MICAL2: variants seen among roughly 807,000 people sequenced by gnomAD.
MICAL2 encodes [F-actin]-monooxygenase MICAL2.
Under a neutral mutation model 127.3 loss-of-function variants are expected in MICAL2, and 77 were observed. That is an observed-to-expected ratio of 0.60 (90% CI 0.50 to 0.73). The LOEUF (loss-of-function observed/expected upper bound fraction) is 0.73. MICAL2 is among the 30% of genes least tolerant of loss of function. The pLI is 0.00. For synonymous variants in MICAL2, 570 were observed against 551.1 expected (o/e 1.03, Z -0.48); for missense variants, 1,351 against 1,434.4 (o/e 0.94, Z 0.94).
intron 29 of MICAL2, among the ~76,000 whole-genome samples, chr11:12,300,931 A>G (rs1864039308): frequency 6.6e-6 from 1 of 152,170 alleles, no homozygotes. Context: ...TTCATTAAAC[A>G]TTCTGTATTA....
intron 2 of MICAL2, among the ~76,000 whole-genome samples, chr11:12,158,474 C>T (rs545802084): frequency 6.7e-6 from 1 of 150,204 alleles, no homozygotes; most frequent in Admixed American, 6.7e-5. Context: ...ATCACAGATA[C>T]AACCAACTGT....
downstream of MICAL2, among the ~76,000 whole-genome samples, chr11:12,288,702 A>C (rs879861111): frequency 6.6e-6 from 1 of 152,200 alleles, no homozygotes; most frequent in Non-Finnish European, 1.5e-5. Flanking sequence ...TGAAGTAAGG[A>C]ACCAAGGAGC....
chr11:12,168,415 A>G (rs937653151), intron 3 of MICAL2, among the ~76,000 whole-genome samples: 1 of 150,738 alleles, frequency 6.6e-6, no homozygotes, highest in Non-Finnish European at 1.5e-5. Flanking sequence ...ATTCATACAT[A>G]CCCCCCACAC....
At chr11:12,349,799 A>AT in intron 32 of MICAL2, 1 of 1,595,106 alleles carries the variant, frequency 6.3e-7, no homozygotes, top group Admixed American at 1.7e-5. Flanking sequence ...GGGGAGAGAA[A>AT]TGCCAATCTA....
At chr11:12,246,412 G>A (rs538312703) in intron 21 of MICAL2, among the ~76,000 whole-genome samples, 9 of 152,298 alleles carry the variant, frequency 5.9e-5, no homozygotes, top group East Asian at 5.8e-4. Context: ...CATTTGCCAC[G>A]CTGGTGAGCT....
intron 29 of MICAL2, among the ~76,000 whole-genome samples, chr11:12,314,965 A>G (rs6485651): frequency 0.93 from 141,384 of 152,196 alleles, 65,710 homozygotes; most frequent in East Asian, 0.95. Context: ...TCTGCATCAC[A>G]ATACTTTCAT....
intron 1 of MICAL2, among the ~76,000 whole-genome samples, chr11:12,113,537 C>T (rs146584886): frequency 8.3e-4 from 126 of 152,374 alleles, no homozygotes; most frequent in African/African-American, 2.9e-3. Context: ...TCCTCTGCTG[C>T]GCAGTCATCT....
At chr11:12,255,814 A>G in intron 23 of MICAL2, 64 bp downstream of exon 23, 3 of 1,359,072 alleles carry the variant, frequency 2.2e-6, no homozygotes, top group Admixed American at 1.9e-5. Flanking sequence ...GGGCGGGCAC[A>G]TGGGATGTCG....
At chr11:12,309,388 C>T (rs185121667) in intron 29 of MICAL2, among the ~76,000 whole-genome samples, 1 of 152,162 alleles carries the variant, frequency 6.6e-6, no homozygotes, top group East Asian at 1.9e-4. Flanking sequence ...CCATGAGATC[C>T]ACTTTTTCAT....
chr11:12,358,289 C>T (rs774323878), intron 34 of MICAL2: 8 of 1,593,430 alleles, frequency 5.0e-6, no homozygotes, highest in Admixed American at 1.7e-5. Flanking sequence ...TCTTTTTTTT[C>T]TTTAGAGAGC....
chr11:12,313,050 C>T (rs888884414), intron 29 of MICAL2, among the ~76,000 whole-genome samples: 1 of 151,606 alleles, frequency 6.6e-6, no homozygotes, highest in East Asian at 1.9e-4. Flanking sequence ...CGCCTGTAGT[C>T]CCGGCTACTG....
At chr11:12,221,595 A>G (rs931113856) in intron 9 of MICAL2, 49 bp from the exon 10 acceptor site, 2 of 1,319,482 alleles carry the variant, frequency 1.5e-6, no homozygotes, top group East Asian at 2.3e-5. Context: ...GAGATCATAG[A>G]TCGGGAGTCA....
intron 22 of MICAL2, chr11:12,250,041 C>G (rs533427751): frequency 5.3e-5 from 8 of 152,180 alleles, no homozygotes; most frequent in Admixed American, 5.2e-4. Flanking sequence ...TGGAAAATGC[C>G]TCTTTGTAGA....
chr11:12,133,200 G>C (rs544558697), intron 1 of MICAL2, among the ~76,000 whole-genome samples: 1 of 152,304 alleles, frequency 6.6e-6, no homozygotes, highest in Non-Finnish European at 1.5e-5. Context: ...TTGTGCCTCA[G>C]ACTCCCAAGT....
At chr11:12,362,071 G>A (rs2134922905), downstream of MICAL2, among the ~76,000 whole-genome samples, 1 of 152,364 alleles carries the variant, frequency 6.6e-6, no homozygotes, top group East Asian at 1.9e-4. Flanking sequence ...ATGGAAATGT[G>A]TTATTTGTGC....
intron 30 of MICAL2, chr11:12,323,914 A>G (rs1430734106): frequency 3.9e-6 from 6 of 1,544,660 alleles, no homozygotes; most frequent in African/African-American, 2.8e-5. Flanking sequence ...GCCTATAACG[A>G]TATTTTGTAA....
At chr11:12,184,114 C>T (rs1310714501) in intron 3 of MICAL2, among the ~76,000 whole-genome samples, 1 of 152,220 alleles carries the variant, frequency 6.6e-6, no homozygotes, top group African/African-American at 2.4e-5. Flanking sequence ...TACTTCACCT[C>T]TCTGTGCCTC....
intron 1 of MICAL2, among the ~76,000 whole-genome samples, chr11:12,111,067 G>A (rs1238437505): frequency 3.9e-5 from 6 of 152,204 alleles, no homozygotes; most frequent in Non-Finnish European, 7.3e-5. Flanking sequence ...GGAGTGACGC[G>A]CCTGCAGTGC....
At chr11:12,285,767 G>A (rs1253796510) in intron 2 of MICAL2, among the ~76,000 whole-genome samples, 1 of 152,214 alleles carries the variant, frequency 6.6e-6, no homozygotes, top group African/African-American at 2.4e-5. Flanking sequence ...GGCAGGGAGT[G>A]GAATATCTAG....
Sources: allele counts gnomAD v4.1 joint callset (sites outside exome capture counted in the v4.1 genomes callset), GRCh38; gene constraint gnomAD v4.1.1; transcripts MANE v1.5; gene names NCBI Gene and HGNC (gene_info 2026-07-23, HGNC 2026-07-21).